Variants in ITGB4 observed in about 807,000 individuals in gnomAD.
ITGB4 encodes integrin beta-4.
ITGB4 carries 159 observed loss-of-function variants against 207.6 expected under a neutral mutation model. The ratio of observed to expected loss-of-function variants is 0.77; its 90% CI spans 0.67 to 0.87. The LOEUF (loss-of-function observed/expected upper bound fraction) is 0.87. Ranked by LOEUF, ITGB4 falls within the 40% of genes least tolerant of loss-of-function variation. The pLI is 0.00. For synonymous variants in ITGB4, 1,020 were observed against 1,062.7 expected, an observed-to-expected ratio of 0.96 and a Z score of 0.78; for missense variants, 2,278 against 2,546.8, an observed-to-expected ratio of 0.89 and a Z score of 2.27.
Position 75,742,755 on chromosome 17 carries a change from G to A in ITGB4, c.2956G>A (p.Glu986Lys). 1.2e-6 allele frequency: 2 copies of A among 1,608,752 alleles called. No individual in the cohort carries two copies. The highest frequency in any genetic ancestry group is 1.7e-5 in the Admixed American group (1 of 60,008). Reference protein sequence around the residue: ...RRLVNITIIKEQARDVVSFEQ... With the variant: ...RRLVNITIIKKQARDVVSFEQ... ...CCTGGTAAACATCACCATCATCAAG[G>A]AGCAAGGTGGGTCTGGGTGGGGAGA... The change falls in exon 25 of 40, where the codon GAG (glutamate) becomes AAG (lysine). Residue 986 changes from glutamate to lysine, a missense_variant. Glu to Lys is a moderately conservative substitution (Grantham distance 56). Transcript: ENST00000200181. This position sits in a 1 kb window ranked among gnomAD's most constrained non-coding sequence, Gnocchi z 5.9.
At position 75,735,093 on chromosome 17, in the gene ITGB4, T is replaced by C. The variant is rs373198436; in HGVS notation, c.1658-958T>C. 3.9e-5 allele frequency among the ~76,000 whole-genome samples: 6 copies of C among 152,344 alleles called. No individual in the cohort carries two copies. The East Asian group carries it at 1.2e-3, about 29-fold the overall frequency. ...AAAGACAATTTTATTGATTGATTGATTGATTGATTTTTGAGACGGAGTCTT... is the reference window on the plus strand; with the variant it reads ...AAAGACAATTTTATTGATTGATTGACTGATTGATTTTTGAGACGGAGTCTT... On this transcript the variant is annotated intron_variant, in intron 13 of 39. Coordinates refer to ENST00000200181, the MANE Select transcript of ITGB4 (RefSeq NM_000213.5).
Position 75,740,084 on chromosome 17 carries a change from C to T in ITGB4, c.2446+13C>T. Reference sequence around the variant, plus strand: ...CCCACAGAGCTGGGTGAGGGCGGGGCTGGGCGCCACAGCTCTGGGCAGTGC... The same window carrying T: ...CCCACAGAGCTGGGTGAGGGCGGGGTTGGGCGCCACAGCTCTGGGCAGTGC... On this transcript the variant is annotated intron_variant, in intron 20 of 39. Transcript: ENST00000200181. The surrounding 1 kb of genome is among the most constrained non-coding windows in gnomAD (Gnocchi z 5.9). The T allele has an allele frequency of 6.2e-7, 1 of 1,606,650 alleles. No homozygotes were observed. The highest frequency in any genetic ancestry group is 8.5e-7 in the Non-Finnish European group (1 of 1,176,614).
At position 75,727,318 on chromosome 17, in the gene ITGB4, C is replaced by G. The variant is rs566677029; in HGVS notation, c.162+41C>G. 2 of 1,611,944 alleles carry G rather than the reference C, an allele frequency of 1.2e-6. No homozygotes were observed. The highest frequency in any genetic ancestry group is 1.7e-6 in the Non-Finnish European group (2 of 1,178,694). On this transcript the variant is annotated intron_variant, in intron 3 of 39. Coordinates refer to ENST00000200181, the MANE Select transcript of ITGB4 (RefSeq NM_000213.5). The surrounding 1 kb of genome is among the most constrained non-coding windows in gnomAD (Gnocchi z 6.0). ...GGGTTGGTGTGGAACAGGCAAGGGTCGGGAATAGCTGGTGGAAATGAATCT... is the reference window on the plus strand; with the variant it reads ...GGGTTGGTGTGGAACAGGCAAGGGTGGGGAATAGCTGGTGGAAATGAATCT...
In ITGB4 at chr17:75,740,224, A is replaced by C; in HGVS notation, c.2447-134A>C. The C allele has an allele frequency of 1.7e-6, 2 of 1,211,980 alleles. No individual in the cohort carries two copies. Among genetic ancestry groups the C allele is most frequent in the South Asian group, 2.6e-5 (2 of 76,492 alleles). The allele number at this position is 1,211,980 out of a possible 1,614,324, so 75.1% of individuals were successfully genotyped here. ...CTGTGCTGATGGTGCTATGAACCTCATGCCTCGGTGTGCGTGGCCTGCTGG... is the reference window on the plus strand; with the variant it reads ...CTGTGCTGATGGTGCTATGAACCTCCTGCCTCGGTGTGCGTGGCCTGCTGG... On this transcript the variant is annotated intron_variant, in intron 20 of 39. Coordinates refer to ENST00000200181, the MANE Select transcript of ITGB4 (RefSeq NM_000213.5). The surrounding 1 kb of genome is among the most constrained non-coding windows in gnomAD (Gnocchi z 5.9).
Position 75,755,755 on chromosome 17 carries a change from C to T in ITGB4, c.4613C>T (p.Ala1538Val). 1 of 1,612,806 alleles carries T rather than the reference C, an allele frequency of 6.2e-7. No homozygotes were observed. The highest frequency in any genetic ancestry group is 8.5e-7 in the Non-Finnish European group (1 of 1,179,944). Reference sequence around the variant, plus strand: ...ACGCCCACCCGCCTGGTGTTCTCTGCCCTGGGGCCCACATCTCTCAGAGTG... The same window carrying T: ...ACGCCCACCCGCCTGGTGTTCTCTGTCCTGGGGCCCACATCTCTCAGAGTG... ...PDTPTRLVFSALGPTSLRVSW... is the reference protein window; with the variant it reads ...PDTPTRLVFSVLGPTSLRVSW... The change falls in exon 35 of 40, where the codon GCC becomes GTC. Residue 1538 changes from alanine (A) to valine (V), a missense_variant. Ala to Val is a moderately conservative substitution (Grantham distance 64). Coordinates refer to ENST00000200181, the MANE Select transcript of ITGB4 (RefSeq NM_000213.5).
intron 26 of ITGB4, among the ~76,000 whole-genome samples, chr17:75,744,198 G>A (rs944874550): frequency 1.1e-4 from 16 of 141,126 alleles, no homozygotes; most frequent in East Asian, 4.3e-4. Context: ...TCAGCTCACC[G>A]CAACCTCCAC....
intron 1 of ITGB4, 107 bp from the exon 2 acceptor site, chr17:75,724,587 T>G: frequency 2.9e-5 from 26 of 897,078 alleles, no homozygotes; most frequent in Non-Finnish European, 4.3e-5. Context: ...CTTGGTCACA[T>G]TGTTGGTGCT....
rs112606639 is a variant in ITGB4, at chr17:75,740,693, T to C, written c.2551-100T>C. Reference sequence around the variant, plus strand: ...GGCATGCCCCAGCCAACCCTGAGGATCTCTGGGTACAGAGGCTGCCTGGCT... The same window carrying C: ...GGCATGCCCCAGCCAACCCTGAGGACCTCTGGGTACAGAGGCTGCCTGGCT... On this transcript the variant is annotated intron_variant, in intron 21 of 39. Coordinates refer to ENST00000200181, the MANE Select transcript of ITGB4 (RefSeq NM_000213.5). This position sits in a 1 kb window ranked among gnomAD's most constrained non-coding sequence, Gnocchi z 5.9. 3 of 1,351,848 alleles carry C rather than the reference T, an allele frequency of 2.2e-6. No homozygotes were observed. Among genetic ancestry groups the C allele is most frequent in the African/African-American group, 2.9e-5 (2 of 69,678 alleles). The allele number at this position is 1,351,848 out of a possible 1,614,324, so 83.7% of individuals were successfully genotyped here.
rs1400508387 is a variant in ITGB4 at position 75,739,618 on chromosome 17, A to G, written c.2221-54A>G. On this transcript the variant is annotated intron_variant, in intron 18 of 39. Transcript: ENST00000200181. This position sits in a 1 kb window ranked among gnomAD's most constrained non-coding sequence, Gnocchi z 5.4. ...TGGGGCGGGGTGGCTGGAAGGGCTT[A>G]CCTGGGCCAGGGCAGCTGTCTCAGG... The G allele has an allele frequency of 1.2e-6, 2 of 1,609,788 alleles. No individual in the cohort carries two copies. The highest frequency in any genetic ancestry group is 8.5e-7 in the Non-Finnish European group (1 of 1,176,636).
At chr17:75,752,396 G>T (rs772059517) in intron 31 of ITGB4, 40 bp downstream of exon 31, 1 of 1,612,582 alleles carries the variant, frequency 6.2e-7, no homozygotes, top group Non-Finnish European at 8.5e-7. Flanking sequence ...GACCGGGCAG[G>T]GGGGCAGGGG....
rs765274611 is a variant in ITGB4, at chr17:75,739,643, G to C, written c.2221-29G>C. On this transcript the variant is annotated intron_variant, in intron 18 of 39. Coordinates refer to ENST00000200181, the MANE Select transcript of ITGB4 (RefSeq NM_000213.5). This position sits in a 1 kb window ranked among gnomAD's most constrained non-coding sequence, Gnocchi z 5.4. ...ACCTGGGCCAGGGCAGCTGTCTCAG[G>C]CCTCACCCTCACCCACCTTGTCTCC... The C allele has an allele frequency of 3.1e-6, 5 of 1,613,892 alleles. No homozygotes were observed. The African/African-American group carries it at 6.7e-5, about 22-fold the overall frequency.
intron 31 of ITGB4, 26 bp from the exon 32 acceptor site, chr17:75,752,420 C>T: frequency 1.2e-6 from 2 of 1,612,914 alleles, no homozygotes; most frequent in Non-Finnish European, 1.7e-6. Context: ...GCAGCCAGGG[C>T]CCTGGCTCAC....
Position 75,739,941 on chromosome 17 carries a change from C to T in ITGB4, c.2316C>T (p.Asp772=). The change falls in exon 20 of 40, where the codon GAC becomes GAT. Residue 772 remains aspartate (D), a synonymous_variant. Transcript: ENST00000200181. This position sits in a 1 kb window ranked among gnomAD's most constrained non-coding sequence, Gnocchi z 5.4. ...TGCGGGAGAACCTGATGGCCTCTGACCACTTGGACACGCCCATGCTGCGCA... is the reference window on the plus strand; with the variant it reads ...TGCGGGAGAACCTGATGGCCTCTGATCACTTGGACACGCCCATGCTGCGCA... ...YMLRENLMAS[D]HLDTPMLRSG... The T allele has an allele frequency of 1.2e-6, 2 of 1,613,360 alleles. No individual in the cohort carries two copies. Among genetic ancestry groups the T allele is most frequent in the South Asian group, 2.2e-5 (2 of 91,092 alleles).
In ITGB4 at chr17:75,727,939, T is replaced by G; in HGVS notation, c.469+84T>G. 1.6e-6 allele frequency: 2 copies of G among 1,249,956 alleles called. No homozygotes were observed. Among genetic ancestry groups the G allele is most frequent in the Admixed American group, 1.8e-5 (1 of 55,772 alleles). 77.4% of individuals were successfully genotyped at this position (1,249,956 alleles called of 1,614,324 possible). On this transcript the variant is annotated intron_variant, in intron 5 of 39. Transcript: ENST00000200181. This position sits in a 1 kb window ranked among gnomAD's most constrained non-coding sequence, Gnocchi z 6.0. Reference sequence around the variant, plus strand: ...TTGGGAGGCCAGGACTCAGGACAGCTGCACCCACCCAGAAGGAAACACTGG... The same window carrying G: ...TTGGGAGGCCAGGACTCAGGACAGCGGCACCCACCCAGAAGGAAACACTGG...
chr17:75,728,259 A>G, intron 5 of ITGB4, 118 bp from the exon 6 acceptor site: 1 of 792,028 alleles, frequency 1.3e-6, no homozygotes, highest in Non-Finnish European at 2.2e-6. Context: ...ACCTTTGTCC[A>G]GCATGCAAAG....
At chr17:75,756,643 G>A (rs760863478) in intron 36 of ITGB4, 26 bp downstream of exon 36, 3 of 1,612,790 alleles carry the variant, frequency 1.9e-6, no homozygotes, top group South Asian at 1.1e-5. Flanking sequence ...CAGCCCCAGA[G>A]CTGCCCCCAT....
At position 75,731,939 on chromosome 17, in the gene ITGB4, C is replaced by T. The variant is rs144804175; in HGVS notation, c.1343C>T (p.Ala448Val). The T allele has an allele frequency of 9.3e-5, 150 of 1,614,044 alleles. 1 individual carries two copies. The African/African-American group carries it at 1.5e-3, about 16-fold the overall frequency. Reference sequence around the variant, plus strand: ...TTCTCCGACGGCCTCAAGATGGACGCGGGCATCATCTGTGATGTGTGCACC... The same window carrying T: ...TTCTCCGACGGCCTCAAGATGGACGTGGGCATCATCTGTGATGTGTGCACC... ...PSFSDGLKMD[A>V]GIICDVCTCE... The change falls in exon 11 of 40, where the codon GCG becomes GTG. Residue 448 changes from alanine to valine, a missense_variant. Transcript: ENST00000200181. The surrounding 1 kb of genome is among the most constrained non-coding windows in gnomAD (Gnocchi z 6.8).
intron 5 of ITGB4, 127 bp from the exon 6 acceptor site, chr17:75,728,250 C>A: frequency 1.3e-6 from 1 of 763,614 alleles, no homozygotes; most frequent in Non-Finnish European, 2.3e-6. Context: ...TGAGCATGAA[C>A]CTTTGTCCAG....
In ITGB4 at chr17:75,727,397, T is replaced by C. The variant is rs1228895796; in HGVS notation, c.163-7T>C. On this transcript the variant is annotated splice_polypyrimidine_tract_variant and splice_region_variant and intron_variant, in intron 3 of 39. Transcript: ENST00000200181. The surrounding 1 kb of genome is among the most constrained non-coding windows in gnomAD (Gnocchi z 6.0). ...TGCCCCCAGTGACCCCCTGTCCTTC[T>C]GGCCAGATGTTCAGGGACCGGCGCT... 1 of 1,614,022 alleles carries C rather than the reference T, an allele frequency of 6.2e-7. No individual in the cohort carries two copies. The highest frequency in any genetic ancestry group is 8.5e-7 in the Non-Finnish European group (1 of 1,179,978).
Sources: allele counts gnomAD v4.1 joint callset (sites outside exome capture counted in the v4.1 genomes callset), GRCh38; gene constraint gnomAD v4.1.1; non-coding constraint Gnocchi (gnomAD v3.1); transcripts MANE v1.5; gene names NCBI Gene and HGNC (gene_info 2026-07-23, HGNC 2026-07-21).